The following AKAP6 variants were observed in gnomAD, a reference collection of about 807,000 sequenced individuals.
The protein encoded by AKAP6 is A-kinase anchor protein 6.
Under a neutral mutation model 188.5 loss-of-function variants are expected in AKAP6, and 58 were observed. The observed-to-expected ratio is 0.31, with a 90% CI of 0.25 to 0.38. AKAP6 has a LOEUF of 0.38. Among genes scored for constraint, AKAP6 ranks in the 10% least tolerant of loss-of-function variants. The probability of loss-of-function intolerance (pLI) is 1.00; values close to 1 mark genes in which losing one functional copy is unlikely to be tolerated. For synonymous variants in AKAP6, 989 were observed against 998.6 expected, an observed-to-expected ratio of 0.99 and a Z score of 0.18; for missense variants, 2,710 against 2,740.0, an observed-to-expected ratio of 0.99 and a Z score of 0.24.
intron 4 of AKAP6, among the ~76,000 whole-genome samples, chr14:32,551,383 C>A (rs971548457): frequency 1.4e-4 from 21 of 151,852 alleles, no homozygotes; most frequent in African/African-American, 4.8e-4. Flanking sequence ...ACCAGCCTGG[C>A]CAACATGGTG....
chr14:32,447,510 A>C (rs1009644932), intron 2 of AKAP6, among the ~76,000 whole-genome samples: 2 of 152,244 alleles, frequency 1.3e-5, no homozygotes, highest in African/African-American at 4.8e-5. Flanking sequence ...CTCGGCCAAA[A>C]AAGCAGAATT....
intron 7 of AKAP6, among the ~76,000 whole-genome samples, chr14:32,633,596 C>T (rs1324229338): frequency 6.6e-6 from 1 of 152,080 alleles, no homozygotes; most frequent in African/African-American, 2.4e-5. Context: ...TCCGCTAGCT[C>T]TCTGGCTCTT....
chr14:32,379,626 C>T (rs910465076), intron 1 of AKAP6, among the ~76,000 whole-genome samples: 3 of 152,082 alleles, frequency 2.0e-5, no homozygotes, highest in Non-Finnish European at 4.4e-5. Flanking sequence ...GAGGGTGTCT[C>T]CATCATTGTT....
intron 12 of AKAP6, 114 bp from the exon 13 acceptor site, chr14:32,821,288 T>C: frequency 8.6e-7 from 1 of 1,160,664 alleles, no homozygotes; most frequent in Non-Finnish European, 1.2e-6. Flanking sequence ...GTCTTTCAAG[T>C]CCATGCTTGG....
intron 3 of AKAP6, among the ~76,000 whole-genome samples, chr14:32,540,131 GCTCT>G (rs1216788649): frequency 0.042 from 2,799 of 66,314 alleles, 75 homozygotes; most frequent in Non-Finnish European, 0.046. Context: ...TTGCTCGTGC[GCTCT>G]CTCTCTCTCT....
intron 2 of AKAP6, among the ~76,000 whole-genome samples, chr14:32,503,274 G>A (rs747801408): frequency 2.6e-5 from 4 of 151,956 alleles, no homozygotes; most frequent in Non-Finnish European, 5.9e-5. Flanking sequence ...CAGTTGTGTT[G>A]TTGGTCTTTT....
At chr14:32,378,043 A>G (rs1888217371) in intron 1 of AKAP6, among the ~76,000 whole-genome samples, 1 of 152,196 alleles carries the variant, frequency 6.6e-6, no homozygotes. Flanking sequence ...GAGAGTCTTG[A>G]GAATCAGATC....
chr14:32,575,791 A>G (rs889565617), intron 4 of AKAP6, among the ~76,000 whole-genome samples: 1 of 152,166 alleles, frequency 6.6e-6, no homozygotes, highest in Non-Finnish European at 1.5e-5. Context: ...ATGATGTACC[A>G]CTATGTGGGA....
At chr14:32,702,111 A>G (rs1171660163) in intron 9 of AKAP6, among the ~76,000 whole-genome samples, 1 of 152,108 alleles carries the variant, frequency 6.6e-6, no homozygotes, top group Non-Finnish European at 1.5e-5. Flanking sequence ...TTTAATGGTA[A>G]TTTTTTACCT....
chr14:32,813,531 T>C (rs570877918), intron 12 of AKAP6, among the ~76,000 whole-genome samples: 1 of 151,934 alleles, frequency 6.6e-6, no homozygotes, highest in Non-Finnish European at 1.5e-5. Context: ...TAGCATAAAC[T>C]CTGTTGTGAT....
chr14:32,650,071 A>G (rs976686858), intron 7 of AKAP6, among the ~76,000 whole-genome samples: 5 of 152,168 alleles, frequency 3.3e-5, no homozygotes, highest in African/African-American at 1.2e-4. Flanking sequence ...TTAATTTTGT[A>G]TATTTGAGTT....
At chr14:32,381,640 TAGAG>T (rs1191125064) in intron 1 of AKAP6, among the ~76,000 whole-genome samples, 1 of 152,156 alleles carries the variant, frequency 6.6e-6, no homozygotes, top group Non-Finnish European at 1.5e-5. Context: ...AAGTTTACAT[TAGAG>T]AGAAAGAATG....
chr14:32,543,998 G>A (rs1449566273), intron 3 of AKAP6, among the ~76,000 whole-genome samples: 2 of 152,178 alleles, frequency 1.3e-5, no homozygotes, highest in African/African-American at 2.4e-5. Context: ...AGTGAGTGGA[G>A]TAGGAGATAA....
intron 1 of AKAP6, among the ~76,000 whole-genome samples, chr14:32,389,634 G>C (rs1429644844): frequency 6.6e-6 from 1 of 151,964 alleles, no homozygotes; most frequent in African/African-American, 2.4e-5. Context: ...AAAATTTTTG[G>C]CTGATAATTG....
At chr14:32,501,814 T>C (rs977559390) in intron 2 of AKAP6, among the ~76,000 whole-genome samples, 1 of 152,182 alleles carries the variant, frequency 6.6e-6, no homozygotes, top group South Asian at 2.1e-4. Context: ...TTTAACTCTG[T>C]GCATGTAGAT....
At chr14:32,454,017 C>G (rs1450400626) in intron 2 of AKAP6, among the ~76,000 whole-genome samples, 4 of 152,180 alleles carry the variant, frequency 2.6e-5, no homozygotes, top group Non-Finnish European at 4.4e-5. Flanking sequence ...GTCTTTGGCT[C>G]ATCTCTGAAC....
At chr14:32,820,068 C>T (rs748026024) in intron 12 of AKAP6, among the ~76,000 whole-genome samples, 1 of 152,120 alleles carries the variant, frequency 6.6e-6, no homozygotes, top group East Asian at 1.9e-4. Flanking sequence ...CAGTGCTATC[C>T]CCATTTTACA....
chr14:32,536,907 T>G (rs1342403074), intron 3 of AKAP6, among the ~76,000 whole-genome samples: 1 of 152,184 alleles, frequency 6.6e-6, no homozygotes, highest in East Asian at 1.9e-4. Flanking sequence ...CAGGCATGTG[T>G]GTTTAGTCCT....
intron 2 of AKAP6, among the ~76,000 whole-genome samples, chr14:32,504,394 C>T (rs996392741): frequency 6.6e-6 from 1 of 152,116 alleles, no homozygotes; most frequent in Non-Finnish European, 1.5e-5. Context: ...AATTCTCCTG[C>T]CCCAGCCACC....
Sources: gnomAD v4.1 joint callset for allele counts (sites outside exome capture counted in the v4.1 genomes callset) on GRCh38, gnomAD v4.1.1 for gene constraint, MANE v1.5 for transcripts, NCBI Gene and HGNC (gene_info 2026-07-23, HGNC 2026-07-21) for gene names.